The following OR52N2 variants were observed in gnomAD, a reference collection of about 807,000 sequenced individuals.
OR52N2 encodes the protein olfactory receptor family 52 subfamily N member 2, also known as olfactory receptor 52N2.
For missense variants in OR52N2, 326 were observed against 196.6 expected (o/e 1.66, Z -3.94); for synonymous variants, 129 against 72.0 (o/e 1.79, Z -4.01).
intron 1 of OR52N2, among the ~76,000 whole-genome samples, chr11:5,816,596 G>A (rs1846406714): frequency 6.6e-6 from 1 of 151,322 alleles, no homozygotes; most frequent in Admixed American, 6.6e-5. Context: ...CTGGAGTGCA[G>A]TAGAGTTATC....
chr11:5,821,327 G>C lies in OR52N2; in HGVS notation c.*26G>C, dbSNP rs772195687. ...AACATAGAATAGACATATTGTTTCA[G>C]GTGGTGAGAAAATAATGGAGACAAA... On this transcript the variant is annotated 3_prime_UTR_variant, in exon 2 of 2. Coordinates refer to ENST00000317037, the MANE Select transcript of OR52N2 (RefSeq NM_001005174.3). The C allele has an allele frequency of 8.2e-5, 60 of 727,558 alleles. No individual in the cohort carries two copies. Among genetic ancestry groups the C allele is most frequent in the Non-Finnish European group, 1.3e-4 (52 of 395,684 alleles). The allele number at this position is 727,558 out of a possible 1,614,324, so 45.1% of individuals were successfully genotyped here. A position where few individuals can be genotyped will look rare whatever the true frequency, so the allele number is the denominator to read the frequency against.
chr11:5,814,421 A>G (rs1215584862), intron 1 of OR52N2, among the ~76,000 whole-genome samples: 1 of 152,008 alleles, frequency 6.6e-6, no homozygotes, highest in Non-Finnish European at 1.5e-5. Flanking sequence ...AATACATAAG[A>G]AAATACAAAA....
intron 1 of OR52N2, among the ~76,000 whole-genome samples, chr11:5,812,161 C>A (rs942380621): frequency 7.1e-6 from 1 of 139,990 alleles, no homozygotes; most frequent in Admixed American, 7.3e-5. Context: ...TGTGACAAAC[C>A]TGCACATTCT....
rs151281953 is a variant in OR52N2 at position 5,821,304 on chromosome 11, C to T, written c.*3C>T. The T allele has an allele frequency of 0.017, 13,236 of 773,034 alleles. 157 individuals carry two copies. The highest frequency in any genetic ancestry group is 0.037 in the Middle Eastern group (162 of 4,406). 47.9% of individuals were successfully genotyped at this position (773,034 alleles called of 1,614,324 possible). A position where few individuals can be genotyped will look rare whatever the true frequency, so the allele number is the denominator to read the frequency against. On this transcript the variant is annotated 3_prime_UTR_variant, in exon 2 of 2. Coordinates refer to ENST00000317037, the MANE Select transcript of OR52N2 (RefSeq NM_001005174.3). ...TTAGTTTTACCTATGACAAATGAAA[C>T]ATAGAATAGACATATTGTTTCAGGT...
chr11:5,815,895 TAC>T, intron 1 of OR52N2, among the ~76,000 whole-genome samples: 1 of 151,168 alleles, frequency 6.6e-6, no homozygotes, highest in East Asian at 1.9e-4. Context: ...TGTGTGTATA[TAC>T]ATGTGTGTAT....
intron 1 of OR52N2, among the ~76,000 whole-genome samples, chr11:5,812,026 G>T (rs1451062059): frequency 6.6e-6 from 1 of 152,096 alleles, no homozygotes; most frequent in East Asian, 1.9e-4. Context: ...TGAACAATGA[G>T]AACACATGGA....
At chr11:5,817,247 T>C (rs1399393658) in intron 1 of OR52N2, among the ~76,000 whole-genome samples, 1 of 152,222 alleles carries the variant, frequency 6.6e-6, no homozygotes, top group Non-Finnish European at 1.5e-5. Flanking sequence ...TATCATTTCA[T>C]ACAAAAGAGT....
intron 1 of OR52N2, among the ~76,000 whole-genome samples, chr11:5,812,914 A>C (rs1425789553): frequency 2.0e-5 from 3 of 152,042 alleles, no homozygotes; most frequent in African/African-American, 4.8e-5. Context: ...GCCAATAATA[A>C]GAGGAAGTTT....
chr11:5,812,090 G>A (rs1264608603), intron 1 of OR52N2, among the ~76,000 whole-genome samples: 1 of 152,066 alleles, frequency 6.6e-6, no homozygotes, highest in Non-Finnish European at 1.5e-5. Flanking sequence ...GGGGTTGAGG[G>A]GAGGGAACTT....
chr11:5,819,151 G>T (rs1846426751), intron 1 of OR52N2, among the ~76,000 whole-genome samples: 1 of 152,136 alleles, frequency 6.6e-6, no homozygotes, highest in Non-Finnish European at 1.5e-5. Flanking sequence ...GGAATGTTTG[G>T]CATTGGCTTT....
chr11:5,810,093 G>A (rs1846344932), intron 1 of OR52N2, among the ~76,000 whole-genome samples: 1 of 152,174 alleles, frequency 6.6e-6, no homozygotes, highest in Admixed American at 6.5e-5. Context: ...AGTGAGCTAT[G>A]GGTGAGCTAT....
intron 1 of OR52N2, among the ~76,000 whole-genome samples, chr11:5,815,944 T>C (rs1190564712): frequency 2.0e-5 from 3 of 151,810 alleles, no homozygotes; most frequent in Admixed American, 6.6e-5. Context: ...TGTATATATA[T>C]ATGTATGTGT....
At chr11:5,819,682 C>T (rs549682749) in intron 1 of OR52N2, among the ~76,000 whole-genome samples, 1 of 152,132 alleles carries the variant, frequency 6.6e-6, no homozygotes, top group Non-Finnish European at 1.5e-5. Flanking sequence ...AAATTCTTAA[C>T]TCATGTATTC....
At chr11:5,816,129 C>A (rs1253235901) in intron 1 of OR52N2, among the ~76,000 whole-genome samples, 1 of 151,992 alleles carries the variant, frequency 6.6e-6, no homozygotes, top group Non-Finnish European at 1.5e-5. Context: ...AGGTCAAAAT[C>A]ATTAGACAGC....
At chr11:5,813,649 A>G (rs1409168505) in intron 1 of OR52N2, among the ~76,000 whole-genome samples, 4 of 152,344 alleles carry the variant, frequency 2.6e-5, no homozygotes, top group South Asian at 4.1e-4. Context: ...CAAAAAGTGA[A>G]AGAGAAGGGA....
chr11:5,816,526 T>G (rs1473848385), intron 1 of OR52N2, among the ~76,000 whole-genome samples: 2 of 151,770 alleles, frequency 1.3e-5, no homozygotes, highest in South Asian at 2.1e-4. Context: ...GTCTCCAATT[T>G]AGGAAGCCTG....
rs1375431486 is a variant in OR52N2 at position 5,811,935 on chromosome 11, C to CTAAAATAGCATTTAAATA, written c.-55+2898_-55+2899insATAAAATAGCATTTAAAT. Among the ~76,000 whole-genome samples the CTAAAATAGCATTTAAATA allele has an allele frequency of 2.0e-5, 3 of 152,066 alleles. No homozygotes were observed. The East Asian group carries it at 5.8e-4, about 29-fold the overall frequency. On this transcript the variant is annotated intron_variant, in intron 1 of 1. Coordinates refer to ENST00000317037, the MANE Select transcript of OR52N2 (RefSeq NM_001005174.3). ...TCAGAAGTAGCTATATGTATATTGG[C>CTAAAATAGCATTTAAATA]TAAAATAGCATTTAAATCAAAAACT...
chr11:5,814,899 G>A (rs554743078), intron 1 of OR52N2, among the ~76,000 whole-genome samples: 8 of 152,276 alleles, frequency 5.3e-5, no homozygotes, highest in South Asian at 2.1e-4. Context: ...GTAGAACAGA[G>A]AGCCCAGAGT....
intron 1 of OR52N2, 25 bp from the exon 2 acceptor site, chr11:5,820,257 C>G (rs1846435272): frequency 6.9e-6 from 5 of 726,864 alleles, no homozygotes; most frequent in Non-Finnish European, 1.3e-5. Context: ...TATCTCGTCT[C>G]TAACTCTCCC....
Sources: allele counts gnomAD v4.1 joint callset (sites outside exome capture counted in the v4.1 genomes callset), GRCh38; gene constraint gnomAD v4.1.1; transcripts MANE v1.5; gene names NCBI Gene and HGNC (gene_info 2026-07-23, HGNC 2026-07-21).